Variants in PLXDC2 observed in about 807,000 individuals in gnomAD.
PLXDC2 encodes plexin domain containing 2, also known as plexin domain-containing protein 2.
PLXDC2 carries 40 observed loss-of-function variants against 68.9 expected under a neutral mutation model. The ratio of observed to expected loss-of-function variants is 0.58; its 90% CI spans 0.45 to 0.76. The LOEUF is 0.76. PLXDC2 is among the 30% of genes least tolerant of loss of function. The pLI is 0.00. For synonymous variants in PLXDC2, 243 were observed against 234.2 expected (o/e 1.04, Z -0.34); for missense variants, 644 against 661.9 (o/e 0.97, Z 0.30).
intron 13 of PLXDC2, among the ~76,000 whole-genome samples, chr10:20,276,767 T>G (rs1001887157): frequency 5.3e-5 from 8 of 152,034 alleles, no homozygotes; most frequent in Non-Finnish European, 1.2e-4. Context: ...ACATATCCCT[T>G]CTCTGAAATC....
chr10:20,106,548 C>T (rs1833493108), intron 4 of PLXDC2, among the ~76,000 whole-genome samples: 2 of 152,138 alleles, frequency 1.3e-5, no homozygotes, highest in South Asian at 4.1e-4. Context: ...CTCTCATTGG[C>T]AATGTGCATA....
intron 1 of PLXDC2, among the ~76,000 whole-genome samples, chr10:19,845,096 A>G (rs12251854): frequency 0.011 from 1,700 of 152,244 alleles, 22 homozygotes; most frequent in African/African-American, 0.04. Flanking sequence ...TGGTTTTCAT[A>G]GGGAGTTGCC....
intron 13 of PLXDC2, among the ~76,000 whole-genome samples, chr10:20,259,689 C>T (rs1564369751): frequency 1.3e-5 from 2 of 152,202 alleles, no homozygotes; most frequent in Non-Finnish European, 2.9e-5. Context: ...TACTCATTGC[C>T]TGGAAAATAC....
chr10:20,101,003 A>G lies in PLXDC2; in HGVS notation c.541+32764A>G, dbSNP rs528999425. On this transcript the variant is annotated intron_variant, in intron 4 of 13. Transcript: ENST00000377252. Reference sequence around the variant, plus strand: ...TTTGGTAATTTAATTTGAACTTGTTACTAAGATTTCAAGCCATTTATTGGC... The same window carrying G: ...TTTGGTAATTTAATTTGAACTTGTTGCTAAGATTTCAAGCCATTTATTGGC... Among the ~76,000 whole-genome samples the G allele has an allele frequency of 2.6e-5, 4 of 152,318 alleles. No individual in the cohort carries two copies. The South Asian group carries it at 8.3e-4, about 32-fold the overall frequency.
chr10:20,023,646 G>T (rs2131660805), intron 2 of PLXDC2, among the ~76,000 whole-genome samples: 1 of 152,022 alleles, frequency 6.6e-6, no homozygotes, highest in Non-Finnish European at 1.5e-5. Context: ...AGAATCATGA[G>T]CCAATACATT....
In PLXDC2 at chr10:20,248,840, C is replaced by A. The variant is rs148478824; in HGVS notation, c.1473+3335C>A. Among the ~76,000 whole-genome samples the A allele has an allele frequency of 9.9e-3, 1,515 of 152,262 alleles. 24 individuals are homozygous for A. Among genetic ancestry groups the A allele is most frequent in the African/African-American group, 0.033 (1,381 of 41,566 alleles). Reference sequence around the variant, plus strand: ...GAACTGAATATAACAACATTCTTTTCTTGCCTTTTATGTTCCATATTATAT... The same window carrying A: ...GAACTGAATATAACAACATTCTTTTATTGCCTTTTATGTTCCATATTATAT... On this transcript the variant is annotated intron_variant, in intron 13 of 13. Coordinates refer to ENST00000377252, the MANE Select transcript of PLXDC2 (RefSeq NM_032812.9).
intron 7 of PLXDC2, among the ~76,000 whole-genome samples, chr10:20,173,806 A>G (rs2131823246): frequency 6.6e-6 from 1 of 152,296 alleles, no homozygotes; most frequent in East Asian, 1.9e-4. Context: ...GGGTAACCAC[A>G]ATTCTAATTA....
chr10:19,876,933 C>T (rs534743562), intron 1 of PLXDC2, among the ~76,000 whole-genome samples: 17 of 152,188 alleles, frequency 1.1e-4, no homozygotes, highest in Non-Finnish European at 1.6e-4. Context: ...CGTACAAAAA[C>T]GTATCTGATC....
At chr10:20,034,251 A>G (rs934880127) in intron 2 of PLXDC2, among the ~76,000 whole-genome samples, 3 of 152,196 alleles carry the variant, frequency 2.0e-5, no homozygotes, top group African/African-American at 7.2e-5. Flanking sequence ...TTTTAGAGGT[A>G]GCTGTTAATC....
chr10:19,925,588 C>T (rs1833527090), intron 1 of PLXDC2, among the ~76,000 whole-genome samples: 1 of 152,158 alleles, frequency 6.6e-6, no homozygotes. Context: ...TGGGCAAATG[C>T]AGAATTCCTT....
chr10:19,883,884 C>CTTTTATTTTTTTTTTTTTTTTT (rs1837786670), intron 1 of PLXDC2, among the ~76,000 whole-genome samples: 1 of 55,090 alleles, frequency 1.8e-5, no homozygotes, highest in African/African-American at 9.2e-5. Context: ...TCCCTTTAAA[C>CTTTTATTTTTTTTTTTTTTTTT]TTTTTTTTTT....
intron 1 of PLXDC2, among the ~76,000 whole-genome samples, chr10:19,950,029 G>A (rs965065765): frequency 6.6e-6 from 1 of 152,050 alleles, no homozygotes; most frequent in Non-Finnish European, 1.5e-5. Flanking sequence ...AATAATAAAA[G>A]CCACTTATGA....
chr10:20,265,309 C>T (rs1177248309), intron 13 of PLXDC2, among the ~76,000 whole-genome samples: 1 of 152,220 alleles, frequency 6.6e-6, no homozygotes, highest in East Asian at 1.9e-4. Context: ...GGAATCAGTG[C>T]AGCCATCTGC....
At chr10:20,152,060 TA>T (rs1051563159) in intron 6 of PLXDC2, among the ~76,000 whole-genome samples, 1 of 152,230 alleles carries the variant, frequency 6.6e-6, no homozygotes, top group East Asian at 1.9e-4. Context: ...TCATTCAATT[TA>T]TCTTAGTATT....
intron 3 of PLXDC2, among the ~76,000 whole-genome samples, chr10:20,054,793 T>C (rs1157891408): frequency 1.3e-5 from 2 of 152,034 alleles, no homozygotes; most frequent in African/African-American, 4.8e-5. Flanking sequence ...ACATGGCACA[T>C]GTATACATAT....
At chr10:19,922,513 C>G (rs1833476222) in intron 1 of PLXDC2, among the ~76,000 whole-genome samples, 1 of 152,130 alleles carries the variant, frequency 6.6e-6, no homozygotes, top group Admixed American at 6.5e-5. Flanking sequence ...ACTTACTTGA[C>G]TTTAGCCTTT....
At chr10:20,035,521 A>AC (rs1218126189) in intron 2 of PLXDC2, among the ~76,000 whole-genome samples, 2 of 151,546 alleles carry the variant, frequency 1.3e-5, no homozygotes, top group Non-Finnish European at 2.9e-5. Context: ...ACATGGTAAA[A>AC]CCCCGTCTCT....
At chr10:19,852,425 C>CAAAAAAAAAAAAAAAA (rs61430454) in intron 1 of PLXDC2, among the ~76,000 whole-genome samples, 2 of 61,928 alleles carry the variant, frequency 3.2e-5, no homozygotes, top group Non-Finnish European at 2.9e-5. Context: ...GACCCTGTCT[C>CAAAAAAAAAAAAAAAA]AAAAAAAAAA....
intron 12 of PLXDC2, among the ~76,000 whole-genome samples, chr10:20,239,519 G>C (rs760432251): frequency 3.9e-5 from 6 of 152,172 alleles, no homozygotes; most frequent in South Asian, 4.1e-4. Context: ...AGAAGGGGAA[G>C]TGCCACTTTC....
Sources: allele counts gnomAD v4.1 joint callset (sites outside exome capture counted in the v4.1 genomes callset), GRCh38; gene constraint gnomAD v4.1.1; transcripts MANE v1.5; gene names NCBI Gene and HGNC (gene_info 2026-07-23, HGNC 2026-07-21).